The following PRKAG2 variants were observed in gnomAD, a reference collection of about 807,000 sequenced individuals.
The protein encoded by PRKAG2 is 5'-AMP-activated protein kinase subunit gamma-2.
A neutral mutation model predicts 69.6 loss-of-function variants in PRKAG2; 26 were observed. That is an observed-to-expected ratio of 0.37 (90% CI 0.27 to 0.52). The LOEUF (loss-of-function observed/expected upper bound fraction) is 0.52. Ranked by LOEUF, PRKAG2 falls within the 20% of genes least tolerant of loss-of-function variation. PRKAG2 has a pLI of 0.90. For missense variants in PRKAG2, 557 were observed against 740.0 expected, an observed-to-expected ratio of 0.75 and a Z score of 2.87; for synonymous variants, 293 against 285.0, an observed-to-expected ratio of 1.03 and a Z score of -0.28.
intron 3 of PRKAG2, among the ~76,000 whole-genome samples, chr7:151,739,114 C>T (rs1355848882): frequency 6.6e-6 from 1 of 152,222 alleles, no homozygotes; most frequent in Non-Finnish European, 1.5e-5. Context: ...ACACCAGCTC[C>T]CAAGAAGCCT....
intron 4 of PRKAG2, among the ~76,000 whole-genome samples, chr7:151,643,271 C>T (rs1427593461): frequency 6.6e-6 from 1 of 152,138 alleles, no homozygotes; most frequent in Non-Finnish European, 1.5e-5. Flanking sequence ...TTCATCTAAC[C>T]TTTCAATTCT....
intron 5 of PRKAG2, among the ~76,000 whole-genome samples, chr7:151,609,400 TATTAGTCAGGCAAAA>T (rs1245489133): frequency 2.0e-5 from 3 of 152,340 alleles, no homozygotes; most frequent in African/African-American, 7.2e-5. Flanking sequence ...ACTAATCATT[TATTAGTCAGGCAAAA>T]ATACTAAAGG....
chr7:151,602,148 A>G (rs867395422), intron 5 of PRKAG2, among the ~76,000 whole-genome samples: 13 of 152,386 alleles, frequency 8.5e-5, no homozygotes, highest in South Asian at 2.1e-4. Flanking sequence ...CCTCATGCCT[A>G]CTGAGTGTGG....
chr7:151,744,710 T>G (rs926686111), intron 3 of PRKAG2, among the ~76,000 whole-genome samples: 6 of 152,110 alleles, frequency 3.9e-5, no homozygotes, highest in African/African-American at 1.4e-4. Flanking sequence ...CCTCCCTCCA[T>G]GCGCCTCCAT....
At chr7:151,752,955 C>T (rs939246872) in intron 3 of PRKAG2, among the ~76,000 whole-genome samples, 11 of 152,326 alleles carry the variant, frequency 7.2e-5, no homozygotes, top group South Asian at 6.2e-4. Context: ...TCCACTTCAC[C>T]GGAAAGGTGT....
chr7:151,605,387 T>C (rs1030680225), intron 5 of PRKAG2, among the ~76,000 whole-genome samples: 70 of 152,086 alleles, frequency 4.6e-4, no homozygotes, highest in African/African-American at 1.6e-3. Context: ...TTAAAAATAA[T>C]TTTAAAAACA....
At chr7:151,677,570 T>C (rs1233933745) in intron 3 of PRKAG2, among the ~76,000 whole-genome samples, 1 of 152,242 alleles carries the variant, frequency 6.6e-6, no homozygotes, top group Non-Finnish European at 1.5e-5. Context: ...ACCAAAGATG[T>C]CAGTGAACAT....
At chr7:151,658,156 C>CTTAAATAA (rs1829744991) in intron 4 of PRKAG2, among the ~76,000 whole-genome samples, 1 of 120,822 alleles carries the variant, frequency 8.3e-6, no homozygotes, top group Non-Finnish European at 1.7e-5. Context: ...GAGTCCGTCT[C>CTTAAATAA]ATAAATAAAT....
At chr7:151,631,758 C>T (rs1285339306) in intron 5 of PRKAG2, 2 of 472,662 alleles carry the variant, frequency 4.2e-6, no homozygotes, top group East Asian at 1.3e-4. Flanking sequence ...TTAGCGCTCC[C>T]TGACACCTTG....
At chr7:151,794,582 T>G (rs1337885590) in intron 1 of PRKAG2, among the ~76,000 whole-genome samples, 3 of 152,224 alleles carry the variant, frequency 2.0e-5, no homozygotes, top group Admixed American at 2.0e-4. Flanking sequence ...AACAAAGGCA[T>G]CATCACCAGG....
chr7:151,689,116 C>A (rs1275400049), intron 3 of PRKAG2, among the ~76,000 whole-genome samples: 1 of 152,236 alleles, frequency 6.6e-6, no homozygotes, highest in Non-Finnish European at 1.5e-5. Flanking sequence ...AGAGCATAGT[C>A]GTTTTTAAAA....
chr7:151,586,931 T>A (rs1811810568), intron 6 of PRKAG2, among the ~76,000 whole-genome samples: 1 of 152,132 alleles, frequency 6.6e-6, no homozygotes, highest in African/African-American at 2.4e-5. Context: ...TTCTTCAAGG[T>A]GGGTGGATCA....
chr7:151,876,555 G>A lies in PRKAG2; in HGVS notation c.66C>T (p.Gly22=), dbSNP rs730880971. The stretch of plus-strand genomic sequence containing the variant: ...GCCTCTTCTGGCTGGCATTTTTCTT[G>A]CCGCCGCTCCCGCCGGGGCTGGAAA... ...KDVSSPGGSG[G]KKNASQKRRS... The change falls in exon 1 of 16, where the codon GGC becomes GGT. Residue 22 remains glycine, a synonymous_variant. Transcript: ENST00000287878. 1.9e-6 allele frequency: 3 copies of A among 1,609,502 alleles called. No individual in the cohort carries two copies. Among genetic ancestry groups the A allele is most frequent in the Non-Finnish European group, 8.5e-7 (1 of 1,179,890 alleles).
At chr7:151,669,758 A>G (rs770783946) in intron 4 of PRKAG2, among the ~76,000 whole-genome samples, 6 of 151,894 alleles carry the variant, frequency 4.0e-5, no homozygotes, top group Non-Finnish European at 5.9e-5. Context: ...ACCTGCATGC[A>G]CACACACCTG....
intron 3 of PRKAG2, among the ~76,000 whole-genome samples, chr7:151,682,644 G>C (rs889681548): frequency 6.6e-6 from 1 of 152,202 alleles, no homozygotes; most frequent in Non-Finnish European, 1.5e-5. Context: ...CAGCTTCCAC[G>C]GGCCAAGTAT....
chr7:151,790,172 C>T lies in PRKAG2; in HGVS notation c.115-3631G>A, dbSNP rs372141770. The stretch of plus-strand genomic sequence containing the variant: ...CGGCCCATAGCAATGCAGGAATCAC[C>T]CTGGTGCCATTCACCAAACACCCCA... On this transcript the variant is annotated intron_variant, in intron 1 of 15. Coordinates refer to ENST00000287878, the MANE Select transcript of PRKAG2 (RefSeq NM_016203.4). Among the ~76,000 whole-genome samples, 14 of 152,282 alleles carry T rather than the reference C, an allele frequency of 9.2e-5. No homozygotes were observed. In the East Asian group the frequency reaches 2.7e-3, roughly 29 times the overall value.
chr7:151,577,026 C>A (rs1309298785), intron 6 of PRKAG2, among the ~76,000 whole-genome samples: 1 of 151,822 alleles, frequency 6.6e-6, no homozygotes, highest in East Asian at 1.9e-4. Context: ...TGTCTACATA[C>A]ATACTTTATG....
At position 151,835,384 on chromosome 7, in the gene PRKAG2, G is replaced by A. The variant is rs1173711322; in HGVS notation, c.114+41123C>T. ...ATTATTTTTAATTTTTTGTAGAGAC[G>A]GGTCTCCCTATGTTGCCCAGGCTGG... On this transcript the variant is annotated intron_variant, in intron 1 of 15. Coordinates refer to ENST00000287878, the MANE Select transcript of PRKAG2 (RefSeq NM_016203.4). The surrounding 1 kb of genome is among the most constrained non-coding windows in gnomAD (Gnocchi z 4.1). Among the ~76,000 whole-genome samples the A allele has an allele frequency of 2.0e-5, 3 of 151,468 alleles. No individual in the cohort carries two copies. Among genetic ancestry groups the A allele is most frequent in the Non-Finnish European group, 2.9e-5 (2 of 67,890 alleles).
chr7:151,749,943 A>G (rs1043188284), intron 3 of PRKAG2, among the ~76,000 whole-genome samples: 2 of 151,922 alleles, frequency 1.3e-5, no homozygotes, highest in Admixed American at 1.3e-4. Flanking sequence ...CTAAACATAT[A>G]AAAATTAGCT....
Sources: allele counts gnomAD v4.1 joint callset (sites outside exome capture counted in the v4.1 genomes callset), GRCh38; gene constraint gnomAD v4.1.1; non-coding constraint Gnocchi (gnomAD v3.1); transcripts MANE v1.5; gene names NCBI Gene and HGNC (gene_info 2026-07-23, HGNC 2026-07-21).